The following KATNIP variants were observed in gnomAD, a reference collection of about 807,000 sequenced individuals.
The protein encoded by KATNIP is katanin interacting protein, also known as katanin-interacting protein.
Under a neutral mutation model 174.0 loss-of-function variants are expected in KATNIP, and 126 were observed. The ratio of observed to expected loss-of-function variants is 0.72; its 90% CI spans 0.63 to 0.84. KATNIP has a LOEUF of 0.84. Ranked by LOEUF, KATNIP falls within the 40% of genes least tolerant of loss-of-function variation. The pLI is 0.00. For synonymous variants in KATNIP, 810 were observed against 835.7 expected (o/e 0.97, Z 0.53); for missense variants, 1,958 against 2,109.7 (o/e 0.93, Z 1.41).
intron 6 of KATNIP, among the ~76,000 whole-genome samples, chr16:27,656,829 C>A (rs1178132101): frequency 6.7e-6 from 1 of 149,350 alleles, no homozygotes; most frequent in Non-Finnish European, 1.5e-5. Context: ...GGAGATATAC[C>A]TAATGCTAGA....
chr16:27,714,625 TAGAG>T (rs1243434979), intron 13 of KATNIP, among the ~76,000 whole-genome samples: 2 of 152,030 alleles, frequency 1.3e-5, no homozygotes, highest in South Asian at 2.1e-4. Context: ...TCAAGAATGA[TAGAG>T]AGAACATTGC....
intron 4 of KATNIP, among the ~76,000 whole-genome samples, chr16:27,629,868 C>G (rs1024926544): frequency 6.6e-6 from 1 of 152,124 alleles, no homozygotes; most frequent in Non-Finnish European, 1.5e-5. Flanking sequence ...ACAAAAGTAG[C>G]TGGGCATGGT....
At chr16:27,553,048 G>A (rs1400052406) in intron 1 of KATNIP, among the ~76,000 whole-genome samples, 1 of 152,158 alleles carries the variant, frequency 6.6e-6, no homozygotes, top group East Asian at 1.9e-4. Context: ...AGCCTTATAG[G>A]TGAACTTTTA....
At position 27,760,671 on chromosome 16, in the gene KATNIP, G is replaced by A. The variant is rs561392434; in HGVS notation, c.3632-742G>A. On this transcript the variant is annotated intron_variant, in intron 18 of 27. Coordinates refer to ENST00000261588, the MANE Select transcript of KATNIP (RefSeq NM_015202.5). ...CATCTGTACTGAGCTCCTACTGTGT[G>A]CCAGGCACCATGCCAGGCTCAGGAC... 3.9e-5 allele frequency among the ~76,000 whole-genome samples: 6 copies of A among 152,342 alleles called. No homozygotes were observed. In the South Asian group the frequency reaches 1.2e-3, roughly 32 times the overall value.
intron 14 of KATNIP, among the ~76,000 whole-genome samples, chr16:27,725,341 C>G (rs569725963): frequency 6.6e-6 from 1 of 152,330 alleles, no homozygotes; most frequent in Admixed American, 6.5e-5. Flanking sequence ...TCGGCTGTGT[C>G]TCTTTTGCCA....
intron 5 of KATNIP, among the ~76,000 whole-genome samples, chr16:27,647,322 C>T (rs765822205): frequency 6.6e-5 from 10 of 151,926 alleles, no homozygotes; most frequent in Non-Finnish European, 5.9e-5. Flanking sequence ...GTTTCCCAAA[C>T]AAGTCTAATC....
At chr16:27,588,600 G>A (rs1175243581) in intron 2 of KATNIP, among the ~76,000 whole-genome samples, 1 of 152,008 alleles carries the variant, frequency 6.6e-6, no homozygotes, top group Non-Finnish European at 1.5e-5. Context: ...AGCCTCCCAA[G>A]TAGCTGAGCC....
chr16:27,711,086 T>C (rs930504442), intron 13 of KATNIP, among the ~76,000 whole-genome samples: 2 of 152,102 alleles, frequency 1.3e-5, no homozygotes, highest in Non-Finnish European at 2.9e-5. Context: ...GTTTAAAAAG[T>C]AAATGTGTTT....
In KATNIP at chr16:27,731,624, C is replaced by CT. The variant is rs60258468; in HGVS notation, c.1744-8404dup. Among the ~76,000 whole-genome samples, 533 of 143,750 alleles carry CT rather than the reference C, an allele frequency of 3.7e-3. 2 individuals are homozygous for CT. The highest frequency in any genetic ancestry group is 0.011 in the Middle Eastern group (3 of 268). The allele number at this position is 143,750 out of a possible 152,430, so 94.3% of individuals were successfully genotyped here. Reference sequence around the variant, plus strand: ...ACGGCCCTGTCTTTCTTTTTCTTTTCTTTTTTTTTTTTTGAGACAGAGTCT... The same window carrying CT: ...ACGGCCCTGTCTTTCTTTTTCTTTTCTTTTTTTTTTTTTTGAGACAGAGTCT... On this transcript the variant is annotated intron_variant, in intron 14 of 27. Transcript: ENST00000261588.
In KATNIP at chr16:27,777,991, A is replaced by C. The variant is rs1249303695; in HGVS notation, c.4801+22A>C. On this transcript the variant is annotated intron_variant, in intron 27 of 27. Transcript: ENST00000261588. The surrounding 1 kb of genome is among the most constrained non-coding windows in gnomAD (Gnocchi z 4.4). ...CCAGGTCAGTGGCGTTTCTCTGCCC[A>C]GAGCATTGTGCCTTGGGAGCTCGGT... The C allele has an allele frequency of 1.2e-6, 2 of 1,608,638 alleles. No individual in the cohort carries two copies. The highest frequency in any genetic ancestry group is 2.2e-5 in the South Asian group (2 of 90,954).
chr16:27,625,835 CT>C (rs1400002651), intron 3 of KATNIP, among the ~76,000 whole-genome samples: 2 of 151,472 alleles, frequency 1.3e-5, no homozygotes, highest in African/African-American at 4.9e-5. Context: ...CATTTCATTT[CT>C]TTTCTTTTTT....
At chr16:27,722,984 G>T (rs1597297922) in intron 14 of KATNIP, among the ~76,000 whole-genome samples, 1 of 152,202 alleles carries the variant, frequency 6.6e-6, no homozygotes, top group African/African-American at 2.4e-5. Flanking sequence ...GCCCGCCTCA[G>T]GCTGGGAGAG....
At chr16:27,711,362 CCAT>C (rs2079566200) in intron 13 of KATNIP, among the ~76,000 whole-genome samples, 1 of 152,142 alleles carries the variant, frequency 6.6e-6, no homozygotes, top group Non-Finnish European at 1.5e-5. Context: ...GCATCCGAAA[CCAT>C]CACTAACTTA....
intron 21 of KATNIP, 46 bp downstream of exon 21, chr16:27,770,064 G>T (rs1222030009): frequency 2.5e-6 from 4 of 1,594,274 alleles, no homozygotes; most frequent in African/African-American, 1.3e-5. Context: ...CGGCCCCTGG[G>T]CCCGCTTGCT....
chr16:27,576,641 CAAACA>C (rs1596773346), intron 2 of KATNIP, among the ~76,000 whole-genome samples: 1 of 151,412 alleles, frequency 6.6e-6, no homozygotes, highest in Non-Finnish European at 1.5e-5. Context: ...AACAAAAAAA[CAAACA>C]AAACAAAACA....
At chr16:27,760,203 C>T (rs2081899683) in intron 18 of KATNIP, among the ~76,000 whole-genome samples, 1 of 152,176 alleles carries the variant, frequency 6.6e-6, no homozygotes, top group Admixed American at 6.5e-5. Flanking sequence ...CTCTGTGGTG[C>T]TGGCATTTCT....
At chr16:27,703,539 T>C (rs1224085733) in intron 11 of KATNIP, among the ~76,000 whole-genome samples, 2 of 152,238 alleles carry the variant, frequency 1.3e-5, no homozygotes, top group Non-Finnish European at 2.9e-5. Context: ...TTTAAAAACA[T>C]AAACCATTCT....
chr16:27,661,574 T>C (rs1245209844), intron 6 of KATNIP, among the ~76,000 whole-genome samples: 1 of 151,564 alleles, frequency 6.6e-6, no homozygotes, highest in Non-Finnish European at 1.5e-5. Context: ...GTATTTTTAG[T>C]AGAGACGGGG....
intron 14 of KATNIP, among the ~76,000 whole-genome samples, chr16:27,726,559 G>A (rs1008656295): frequency 2.0e-5 from 3 of 152,210 alleles, no homozygotes; most frequent in African/African-American, 7.2e-5. Flanking sequence ...GTACAGTGGT[G>A]AACAAATAGA....
Sources: gnomAD v4.1 joint callset for allele counts (sites outside exome capture counted in the v4.1 genomes callset) on GRCh38, gnomAD v4.1.1 for gene constraint, Gnocchi (gnomAD v3.1) non-coding constraint, MANE v1.5 for transcripts, NCBI Gene and HGNC (gene_info 2026-07-23, HGNC 2026-07-21) for gene names.